The following PARD3B variants were observed in gnomAD, a reference collection of about 807,000 sequenced individuals.
PARD3B encodes the protein par-3 family cell polarity regulator beta.
PARD3B carries 103 observed loss-of-function variants against 130.2 expected under a neutral mutation model. The ratio of observed to expected loss-of-function variants is 0.79; its 90% CI spans 0.67 to 0.93. The LOEUF is 0.93. Ranked by LOEUF, PARD3B falls within the 40% of genes least tolerant of loss-of-function variation. The pLI, the probability that PARD3B is intolerant of heterozygous loss-of-function variation, is 0.00. For synonymous variants in PARD3B, 583 were observed against 553.2 expected (o/e 1.05, Z -0.76); for missense variants, 1,609 against 1,499.2 (o/e 1.07, Z -1.21).
intron 22 of PARD3B, among the ~76,000 whole-genome samples, chr2:205,611,709 G>A (rs964055797): frequency 6.6e-6 from 1 of 152,090 alleles, no homozygotes; most frequent in African/African-American, 2.4e-5. Context: ...TTTCATGACA[G>A]CCCCCTCTAC....
intron 22 of PARD3B, among the ~76,000 whole-genome samples, chr2:205,565,633 T>C (rs2053298108): frequency 6.6e-6 from 1 of 152,172 alleles, no homozygotes; most frequent in African/African-American, 2.4e-5. Context: ...ACTTCTTTCT[T>C]ATCCAATTTT....
In PARD3B at chr2:205,618,352, C is replaced by T. The variant is rs2055498522; in HGVS notation, c.*2539C>T. ...GATTTATAAATGCCCGTGTACTCAC[C>T]CTTCAATTGTTACCACCCAGAGGTT... On this transcript the variant is annotated 3_prime_UTR_variant, in exon 23 of 23. Coordinates refer to ENST00000406610, the MANE Select transcript of PARD3B (RefSeq NM_001302769.2). 1 of 152,150 alleles carries T rather than the reference C, an allele frequency of 6.6e-6. No individual in the cohort carries two copies. The highest frequency in any genetic ancestry group is 6.6e-5 in the Admixed American group (1 of 15,264). The allele number at this position is 152,150 out of a possible 1,614,324, so 9.4% of individuals were successfully genotyped here.
At chr2:205,198,859 T>C (rs1424467213) in intron 15 of PARD3B, among the ~76,000 whole-genome samples, 1 of 151,864 alleles carries the variant, frequency 6.6e-6, no homozygotes, top group Non-Finnish European at 1.5e-5. Context: ...ATATAAAATA[T>C]ATTTTACTAT....
At chr2:205,073,379 A>G (rs1258237633) in intron 4 of PARD3B, among the ~76,000 whole-genome samples, 1 of 152,184 alleles carries the variant, frequency 6.6e-6, no homozygotes, top group East Asian at 1.9e-4. Context: ...AAGATGTCGA[A>G]AAACTTGTCT....
At chr2:205,213,812 G>A (rs1390622869) in intron 15 of PARD3B, among the ~76,000 whole-genome samples, 1 of 152,108 alleles carries the variant, frequency 6.6e-6, no homozygotes, top group Non-Finnish European at 1.5e-5. Flanking sequence ...AGGAAATAAA[G>A]AAGGTCAAAG....
At position 205,133,507 on chromosome 2, in the gene PARD3B, T is replaced by C. The variant is rs2032200796; in HGVS notation, c.1434+7770T>C. On this transcript the variant is annotated intron_variant, in intron 10 of 22. Transcript: ENST00000406610. ...CAAGCCTTCCAGATAATTCTGGTGC[T>C]CACTCAAGTTTGAGAACCATTGGAA... Among the ~76,000 whole-genome samples the C allele has an allele frequency of 2.6e-5, 4 of 152,256 alleles. No individual in the cohort carries two copies. In the South Asian group the frequency reaches 8.3e-4, roughly 32 times the overall value.
In PARD3B at chr2:204,759,824, C is replaced by T. The variant is rs1250298939; in HGVS notation, c.222+73542C>T. ...CATCTGCATCTGCACAGGATTTAAACCAAATTTTATTTTTTGCTTTAGTTT... is the reference window on the plus strand; with the variant it reads ...CATCTGCATCTGCACAGGATTTAAATCAAATTTTATTTTTTGCTTTAGTTT... On this transcript the variant is annotated intron_variant, in intron 2 of 22. Coordinates refer to ENST00000406610, the MANE Select transcript of PARD3B (RefSeq NM_001302769.2). Among the ~76,000 whole-genome samples, 7 of 152,150 alleles carry T rather than the reference C, an allele frequency of 4.6e-5. No homozygotes were observed. In the East Asian group the frequency reaches 7.7e-4, roughly 17 times the overall value.
intron 18 of PARD3B, among the ~76,000 whole-genome samples, chr2:205,391,971 T>C (rs546236739): frequency 1.3e-5 from 2 of 152,320 alleles, no homozygotes; most frequent in South Asian, 4.1e-4. Flanking sequence ...CTCTTAACTT[T>C]TCTTACAAAT....
chr2:205,457,607 C>A (rs954117851), intron 20 of PARD3B, among the ~76,000 whole-genome samples: 4 of 151,924 alleles, frequency 2.6e-5, no homozygotes, highest in Non-Finnish European at 4.4e-5. Context: ...TGTAATGTGG[C>A]AAATTCTCTG....
intron 14 of PARD3B, among the ~76,000 whole-genome samples, chr2:205,191,774 C>T (rs149937982): frequency 6.6e-6 from 1 of 152,274 alleles, no homozygotes; most frequent in East Asian, 1.9e-4. Flanking sequence ...TCTTAGTTGA[C>T]ACTGCTAGTA....
chr2:204,953,418 C>CAGAGAGAG (rs752929812), intron 2 of PARD3B, among the ~76,000 whole-genome samples: 1 of 117,426 alleles, frequency 8.5e-6, no homozygotes, highest in African/African-American at 3.2e-5. Context: ...CATACACACA[C>CAGAGAGAG]ACAGAGAGAG....
At chr2:205,286,708 C>T (rs1161060234) in intron 16 of PARD3B, among the ~76,000 whole-genome samples, 1 of 152,166 alleles carries the variant, frequency 6.6e-6, no homozygotes, top group East Asian at 1.9e-4. Context: ...AATGAGAGGC[C>T]TCTGTTGAGT....
chr2:204,762,334 G>A (rs984773965), intron 2 of PARD3B, among the ~76,000 whole-genome samples: 3 of 151,708 alleles, frequency 2.0e-5, no homozygotes, highest in Non-Finnish European at 4.4e-5. Flanking sequence ...GGATGGTCTC[G>A]ATCTCCTGTC....
At chr2:205,179,502 C>T (rs1455399736) in intron 13 of PARD3B, among the ~76,000 whole-genome samples, 3 of 152,292 alleles carry the variant, frequency 2.0e-5, no homozygotes, top group East Asian at 1.9e-4. Flanking sequence ...ACTGGATTTT[C>T]ACTGTAGCTT....
At chr2:205,024,209 C>T (rs901826303) in intron 3 of PARD3B, among the ~76,000 whole-genome samples, 1 of 145,920 alleles carries the variant, frequency 6.9e-6, no homozygotes, top group African/African-American at 2.6e-5. Context: ...CTTCTGTCGC[C>T]CAGGCTGGAG....
At chr2:204,879,353 A>G (rs1272128475) in intron 2 of PARD3B, among the ~76,000 whole-genome samples, 1 of 152,188 alleles carries the variant, frequency 6.6e-6, no homozygotes, top group East Asian at 1.9e-4. Flanking sequence ...ATTTGGATTT[A>G]TGAAACTGAA....
intron 21 of PARD3B, among the ~76,000 whole-genome samples, chr2:205,503,849 T>C (rs1429804167): frequency 2.0e-5 from 3 of 152,194 alleles, no homozygotes; most frequent in Admixed American, 6.5e-5. Flanking sequence ...TTTTATTTCA[T>C]TGAGCAGTGG....
chr2:205,322,088 C>T (rs1253359432), intron 18 of PARD3B, among the ~76,000 whole-genome samples: 1 of 152,160 alleles, frequency 6.6e-6, no homozygotes, highest in African/African-American at 2.4e-5. Flanking sequence ...ATTGATAAGA[C>T]TGGAGGGAAG....
intron 4 of PARD3B, among the ~76,000 whole-genome samples, chr2:205,059,991 G>A (rs1413113892): frequency 6.6e-6 from 1 of 151,938 alleles, no homozygotes; most frequent in African/African-American, 2.4e-5. Context: ...TTTTACAGAC[G>A]ACGAAGTTCA....
Sources: gnomAD v4.1 joint callset for allele counts (sites outside exome capture counted in the v4.1 genomes callset) on GRCh38, gnomAD v4.1.1 for gene constraint, MANE v1.5 for transcripts, NCBI Gene and HGNC (gene_info 2026-07-23, HGNC 2026-07-21) for gene names.